Variants in ARK2N observed in about 807,000 individuals in gnomAD.
ARK2N encodes the protein protein ARK2N.
At chr18:46,241,213 CTTGT>C in the ARK2N span, among the ~76,000 whole-genome samples, 2 of 152,166 alleles carry the variant, frequency 1.3e-5, no homozygotes, top group African/African-American at 2.4e-5. Flanking sequence ...AGAAAAATCA[CTTGT>C]TTGTTGACCT....
the ARK2N span, among the ~76,000 whole-genome samples, chr18:46,243,694 T>C: frequency 1.3e-5 from 2 of 152,226 alleles, no homozygotes; most frequent in South Asian, 4.1e-4. Flanking sequence ...AATTGAACAC[T>C]GTAGTGGGTG....
the ARK2N span, among the ~76,000 whole-genome samples, chr18:46,192,054 G>GAT: frequency 4.6e-5 from 7 of 152,302 alleles, no homozygotes; most frequent in African/African-American, 1.7e-4. Flanking sequence ...CCTACTGAAG[G>GAT]ATAGTAAGTC....
At chr18:46,251,357 A>G in the ARK2N span, among the ~76,000 whole-genome samples, 2 of 152,334 alleles carry the variant, frequency 1.3e-5, no homozygotes, top group East Asian at 1.9e-4. Context: ...ATTCCATTTA[A>G]GCAGCCTCCC....
chr18:46,181,270 G>C, the ARK2N span, among the ~76,000 whole-genome samples: 3 of 151,898 alleles, frequency 2.0e-5, no homozygotes, highest in Non-Finnish European at 4.4e-5. Context: ...CGGGAGGTGG[G>C]GGGGGAAATG....
At chr18:46,213,968 A>G in the ARK2N span, among the ~76,000 whole-genome samples, 1 of 152,188 alleles carries the variant, frequency 6.6e-6, no homozygotes, top group South Asian at 2.1e-4. Context: ...AAGTGCTGGG[A>G]TAACAGGTGT....
At chr18:46,191,599 T>A in the ARK2N span, among the ~76,000 whole-genome samples, 1 of 152,192 alleles carries the variant, frequency 6.6e-6, no homozygotes, top group Non-Finnish European at 1.5e-5. Context: ...GACAAATGCC[T>A]AATGCCAAGT....
chr18:46,182,434 T>C, the ARK2N span, among the ~76,000 whole-genome samples: 1 of 152,056 alleles, frequency 6.6e-6, no homozygotes, highest in Non-Finnish European at 1.5e-5. Flanking sequence ...GCAGAAATCT[T>C]GGAGAAAATT....
chr18:46,209,320 A>G, the ARK2N span, among the ~76,000 whole-genome samples: 1 of 149,534 alleles, frequency 6.7e-6, no homozygotes, highest in African/African-American at 2.5e-5. Flanking sequence ...CAAACCCCCA[A>G]GCCTGCCTTC....
chr18:46,205,498 C>T, the ARK2N span, among the ~76,000 whole-genome samples: 2 of 152,138 alleles, frequency 1.3e-5, no homozygotes, highest in African/African-American at 2.4e-5. Context: ...CTGTGTTTTA[C>T]GGGTATGTCT....
chr18:46,194,478 G>GGT, the ARK2N span, among the ~76,000 whole-genome samples: 1 of 148,086 alleles, frequency 6.8e-6, no homozygotes, highest in Non-Finnish European at 1.5e-5. Flanking sequence ...TTTTTTTTTT[G>GGT]TTTGTTTTTT....
chr18:46,262,307 A>G, the ARK2N span, among the ~76,000 whole-genome samples: 2 of 152,184 alleles, frequency 1.3e-5, no homozygotes, highest in African/African-American at 4.8e-5. Context: ...ATCTAAACTG[A>G]AGATTCAGCT....
chr18:46,192,519 G>A, the ARK2N span, among the ~76,000 whole-genome samples: 1 of 151,968 alleles, frequency 6.6e-6, no homozygotes, highest in Non-Finnish European at 1.5e-5. Flanking sequence ...GGAGGTTGCA[G>A]TGAGCTGAGA....
At chr18:46,222,879 C>T in the ARK2N span, among the ~76,000 whole-genome samples, 1 of 152,194 alleles carries the variant, frequency 6.6e-6, no homozygotes, top group Non-Finnish European at 1.5e-5. Flanking sequence ...ACATCATTAT[C>T]ACCCAAAGTC....
chr18:46,241,439 CT>C, the ARK2N span, among the ~76,000 whole-genome samples: 6 of 152,106 alleles, frequency 3.9e-5, no homozygotes, highest in Non-Finnish European at 7.3e-5. Context: ...AGTAATAATG[CT>C]TCTGGGCACA....
At chr18:46,250,028 T>C in the ARK2N span, among the ~76,000 whole-genome samples, 2 of 152,020 alleles carry the variant, frequency 1.3e-5, no homozygotes, top group Non-Finnish European at 2.9e-5. Flanking sequence ...ATTATTTATG[T>C]TCATCAATAC....
chr18:46,185,343 T>C, the ARK2N span, among the ~76,000 whole-genome samples: 1 of 152,206 alleles, frequency 6.6e-6, no homozygotes, highest in Admixed American at 6.5e-5. Flanking sequence ...TCCTCCCTCA[T>C]GTATAAAGTT....
the ARK2N span, among the ~76,000 whole-genome samples, chr18:46,189,212 CAAAAAAAAA>C: frequency 2.3e-5 from 2 of 86,902 alleles, no homozygotes; most frequent in African/African-American, 4.8e-5. Context: ...GAGACTGTCT[CAAAAAAAAA>C]AAAAAAAAAA....
the ARK2N span, among the ~76,000 whole-genome samples, chr18:46,248,090 G>A: frequency 6.6e-6 from 1 of 152,208 alleles, no homozygotes; most frequent in Non-Finnish European, 1.5e-5. Context: ...TGCCAGGACT[G>A]TTTCATGAAT....
the ARK2N span, chr18:46,240,018 T>A: frequency 1.2e-6 from 2 of 1,614,026 alleles, no homozygotes; most frequent in Middle Eastern, 1.7e-4. Flanking sequence ...GACCTCCAGT[T>A]GTAGCTCATT....
Sources: allele counts gnomAD v4.1 joint callset (sites outside exome capture counted in the v4.1 genomes callset), GRCh38; gene constraint gnomAD v4.1.1; transcripts MANE v1.5; gene names NCBI Gene and HGNC (gene_info 2026-07-23, HGNC 2026-07-21).